The following JAZF1 variants were observed in gnomAD, a reference collection of about 807,000 sequenced individuals.
JAZF1 encodes juxtaposed with another zinc finger protein 1.
A neutral mutation model predicts 26.4 loss-of-function variants in JAZF1; 8 were observed. The ratio of observed to expected loss-of-function variants is 0.30; its 90% CI spans 0.18 to 0.55. The LOEUF is 0.55. Ranked by LOEUF, JAZF1 falls within the 20% of genes least tolerant of loss-of-function variation. JAZF1 has a pLI of 0.94. For missense variants in JAZF1, 199 were observed against 322.0 expected (o/e 0.62, Z 2.92); for synonymous variants, 126 against 122.3 (o/e 1.03, Z -0.20).
intron 1 of JAZF1, among the ~76,000 whole-genome samples, chr7:27,998,493 C>T (rs1415950621): frequency 6.6e-6 from 1 of 152,232 alleles, no homozygotes; most frequent in African/African-American, 2.4e-5. Flanking sequence ...TGTACAATTG[C>T]ACATAACCAG....
intron 1 of JAZF1, among the ~76,000 whole-genome samples, chr7:28,124,038 G>A (rs541660978): frequency 6.6e-6 from 1 of 152,278 alleles, no homozygotes; most frequent in East Asian, 1.9e-4. Context: ...GGGCTGACTT[G>A]TGTCCTTCCA....
intron 2 of JAZF1, among the ~76,000 whole-genome samples, chr7:27,975,350 G>A (rs1324483224): frequency 6.6e-6 from 1 of 152,098 alleles, no homozygotes; most frequent in Non-Finnish European, 1.5e-5. Flanking sequence ...AATCAGTCAT[G>A]AGAAATCCAC....
At chr7:28,016,096 A>G (rs1219990077) in intron 1 of JAZF1, among the ~76,000 whole-genome samples, 6 of 152,182 alleles carry the variant, frequency 3.9e-5, no homozygotes, top group Non-Finnish European at 8.8e-5. Context: ...GCATGCTGAA[A>G]GCTGCCGGTG....
chr7:28,090,361 T>C (rs1440630358), intron 1 of JAZF1, among the ~76,000 whole-genome samples: 1 of 152,204 alleles, frequency 6.6e-6, no homozygotes, highest in Non-Finnish European at 1.5e-5. Context: ...CAAACTGCAA[T>C]CTTAATACTG....
At chr7:28,168,814 T>C (rs1352496170) in intron 1 of JAZF1, among the ~76,000 whole-genome samples, 1 of 152,234 alleles carries the variant, frequency 6.6e-6, no homozygotes, top group Non-Finnish European at 1.5e-5. Flanking sequence ...GATTCCTTTT[T>C]GAAACAACAC....
chr7:28,046,485 C>G (rs558177382), intron 1 of JAZF1, among the ~76,000 whole-genome samples: 83 of 152,304 alleles, frequency 5.4e-4, no homozygotes, highest in African/African-American at 1.9e-3. Flanking sequence ...AAACTTTCCT[C>G]TATTATAAAT....
intron 1 of JAZF1, among the ~76,000 whole-genome samples, chr7:28,074,224 G>A (rs532565939): frequency 2.0e-5 from 3 of 152,280 alleles, no homozygotes; most frequent in African/African-American, 7.2e-5. Flanking sequence ...GTCAGAAGAA[G>A]GGCCATGAAA....
In JAZF1 at chr7:27,958,123, G is replaced by A. The variant is rs185149072; in HGVS notation, c.188+33786C>T. ...ATACATTTCTTACTCCCCCTACTCC[G>A]TTACAGATTCATCTCTCTGTAATGG... On this transcript the variant is annotated intron_variant, in intron 2 of 4. Transcript: ENST00000283928. 1.2e-4 allele frequency among the ~76,000 whole-genome samples: 18 copies of A among 152,216 alleles called. No individual in the cohort carries two copies. In the East Asian group the frequency reaches 1.4e-3, roughly 11 times the overall value.
chr7:28,060,212 T>C (rs966876026), intron 1 of JAZF1, among the ~76,000 whole-genome samples: 2 of 152,248 alleles, frequency 1.3e-5, no homozygotes, highest in East Asian at 3.8e-4. Context: ...TTCAATACTC[T>C]TGCTCCTTAG....
chr7:28,077,615 G>A (rs986160229), intron 1 of JAZF1, among the ~76,000 whole-genome samples: 1 of 152,108 alleles, frequency 6.6e-6, no homozygotes, highest in African/African-American at 2.4e-5. Context: ...AATAAATTTG[G>A]TATATAAGTC....
In JAZF1 at chr7:27,840,434, C is replaced by T. The variant is rs1470015063; in HGVS notation, c.555+264G>A. Among the ~76,000 whole-genome samples, 1 of 152,254 alleles carries T rather than the reference C, an allele frequency of 6.6e-6. No individual in the cohort carries two copies. The highest frequency in any genetic ancestry group is 1.5e-5 in the Non-Finnish European group (1 of 68,046). The stretch of plus-strand genomic sequence containing the variant: ...TTTGAAGACTATCAAAGACATGATC[C>T]TCCTACAAAAGCTCTCTCTTGACTG... On this transcript the variant is annotated intron_variant, in intron 4 of 4. Coordinates refer to ENST00000283928, the MANE Select transcript of JAZF1 (RefSeq NM_175061.4). This position sits in a 1 kb window ranked among gnomAD's most constrained non-coding sequence, Gnocchi z 5.1.
intron 4 of JAZF1, among the ~76,000 whole-genome samples, chr7:27,838,196 A>G (rs1782854724): frequency 6.6e-6 from 1 of 152,034 alleles, no homozygotes; most frequent in African/African-American, 2.4e-5. Context: ...ATGTTGATAA[A>G]CTGTTTTTCT....
intron 1 of JAZF1, among the ~76,000 whole-genome samples, chr7:28,174,280 G>A (rs1158546760): frequency 2.0e-5 from 3 of 152,162 alleles, no homozygotes; most frequent in Admixed American, 2.0e-4. Context: ...GCTAAAACTA[G>A]AAAAGGAGGA....
At chr7:28,173,880 TAAAAAAAAAAAAAAAAAA>T (rs58075065) in intron 1 of JAZF1, among the ~76,000 whole-genome samples, 1 of 93,134 alleles carries the variant, frequency 1.1e-5, no homozygotes, top group East Asian at 2.5e-4. Flanking sequence ...CAGCTAGCTT[TAAAAAAAAAAAAAAAAAA>T]AAAAAAAAGT....
chr7:27,865,118 C>T (rs551484003), intron 3 of JAZF1, among the ~76,000 whole-genome samples: 1 of 152,292 alleles, frequency 6.6e-6, no homozygotes, highest in East Asian at 1.9e-4. Context: ...GATGTTAATC[C>T]TAACACTTTG....
In JAZF1 at chr7:27,985,292, A is replaced by C. The variant is rs573556252; in HGVS notation, c.188+6617T>G. ...GAATATCACCACCAATCCCACAGAA[A>C]TACAAACTACCATCAGAGAATACTA... On this transcript the variant is annotated intron_variant, in intron 2 of 4. Coordinates refer to ENST00000283928, the MANE Select transcript of JAZF1 (RefSeq NM_175061.4). Among the ~76,000 whole-genome samples the C allele has an allele frequency of 2.8e-3, 432 of 152,364 alleles. 3 individuals carry two copies. Among genetic ancestry groups the C allele is most frequent in the African/African-American group, 9.7e-3 (403 of 41,588 alleles).
chr7:28,135,166 TAC>T (rs1028494970), intron 1 of JAZF1, among the ~76,000 whole-genome samples: 1 of 152,202 alleles, frequency 6.6e-6, no homozygotes, highest in Admixed American at 6.5e-5. Context: ...TTACATTGCA[TAC>T]ACACAGACAC....
intron 2 of JAZF1, among the ~76,000 whole-genome samples, chr7:27,948,706 C>T (rs951175666): frequency 9.9e-5 from 15 of 152,244 alleles, no homozygotes; most frequent in African/African-American, 3.1e-4. Flanking sequence ...ATATTGACCA[C>T]CTGTATTGAT....
intron 1 of JAZF1, among the ~76,000 whole-genome samples, chr7:28,090,867 C>T (rs1419637900): frequency 6.1e-5 from 9 of 147,576 alleles, no homozygotes; most frequent in African/African-American, 2.0e-4. Flanking sequence ...TCACCCAGGC[C>T]GGACTGCGGA....
Sources: allele counts gnomAD v4.1 joint callset (sites outside exome capture counted in the v4.1 genomes callset), GRCh38; gene constraint gnomAD v4.1.1; non-coding constraint Gnocchi (gnomAD v3.1); transcripts MANE v1.5; gene names NCBI Gene and HGNC (gene_info 2026-07-23, HGNC 2026-07-21).